The following SACM1L variants were observed in gnomAD, a reference collection of about 807,000 sequenced individuals.
The protein encoded by SACM1L is SAC1 like phosphatidylinositide phosphatase, also known as phosphatidylinositol-3-phosphatase SAC1.
SACM1L carries 32 observed loss-of-function variants against 89.5 expected under a neutral mutation model. That is an observed-to-expected ratio of 0.36 (90% CI 0.27 to 0.48). The LOEUF is 0.48. Among genes scored for constraint, SACM1L ranks in the 20% least tolerant of loss-of-function variants. The pLI is 0.99. For missense variants in SACM1L, 543 were observed against 708.5 expected (o/e 0.77, Z 2.65); for synonymous variants, 213 against 232.8 (o/e 0.92, Z 0.77).
intron 11 of SACM1L, among the ~76,000 whole-genome samples, chr3:45,731,029 G>C (rs1699041333): frequency 6.6e-6 from 1 of 152,214 alleles, no homozygotes; most frequent in South Asian, 2.1e-4. Flanking sequence ...CCACTCTGAG[G>C]AGGGGCTGGG....
chr3:45,717,842 A>G (rs1036233326), intron 7 of SACM1L, among the ~76,000 whole-genome samples: 2 of 152,214 alleles, frequency 1.3e-5, no homozygotes, highest in African/African-American at 2.4e-5. Flanking sequence ...CTTGGGCCCA[A>G]GAGTTTGAGG....
Position 45,743,724 on chromosome 3 carries a change from A to C in SACM1L, c.*55A>C, listed in dbSNP as rs1383406129. ...GGAAGATTCCATTGTGCAGAACTGG[A>C]GTCTTTACTGACCCGCTTTCCACAT... On this transcript the variant is annotated 3_prime_UTR_variant, in exon 20 of 20. Transcript: ENST00000389061. 2 of 1,563,666 alleles carry C rather than the reference A, an allele frequency of 1.3e-6. No individual in the cohort carries two copies. Among genetic ancestry groups the C allele is most frequent in the African/African-American group, 1.4e-5 (1 of 73,150 alleles).
chr3:45,715,739 A>G (rs1327206965), intron 7 of SACM1L, among the ~76,000 whole-genome samples: 1 of 150,370 alleles, frequency 6.7e-6, no homozygotes, highest in African/African-American at 2.5e-5. Context: ...GTGCCACTGC[A>G]CTCCAGCCTG....
At chr3:45,696,820 A>C (rs1418878763) in intron 1 of SACM1L, among the ~76,000 whole-genome samples, 1 of 152,226 alleles carries the variant, frequency 6.6e-6, no homozygotes, top group East Asian at 1.9e-4. Flanking sequence ...TTCAGACACT[A>C]GAAAATCGCA....
At chr3:45,704,648 G>T (rs1297649587) in intron 2 of SACM1L, among the ~76,000 whole-genome samples, 1 of 152,070 alleles carries the variant, frequency 6.6e-6, no homozygotes, top group Non-Finnish European at 1.5e-5. Context: ...AGTTATCCTT[G>T]ATCTTTCAGT....
intron 1 of SACM1L, 184 bp downstream of exon 1, chr3:45,689,681 C>A: frequency 1.4e-6 from 1 of 697,254 alleles, no homozygotes; most frequent in Admixed American, 2.8e-5. Context: ...AGGCCGGGAA[C>A]CAGCGGCTCG....
At position 45,743,521 on chromosome 3, in the gene SACM1L, TA is replaced by T. The variant is rs748510148; in HGVS notation, c.1628-10del. 3.8e-6 allele frequency: 6 copies of T among 1,596,008 alleles called. No homozygotes were observed. In the Admixed American group the frequency reaches 9.1e-5, roughly 24 times the overall value. ...ACGACTTATTTAGCTTTTTGTTTCT[TA>T]ATATCAACAGGTGACACTTGGACAG... On this transcript the variant is annotated splice_polypyrimidine_tract_variant and intron_variant, in intron 19 of 19. Coordinates refer to ENST00000389061, the MANE Select transcript of SACM1L (RefSeq NM_014016.5).
At chr3:45,727,907 A>G (rs1395582542) in intron 11 of SACM1L, among the ~76,000 whole-genome samples, 1 of 152,050 alleles carries the variant, frequency 6.6e-6, no homozygotes, top group African/African-American at 2.4e-5. Flanking sequence ...TACTATTATT[A>G]TATAATTTTC....
intron 1 of SACM1L, among the ~76,000 whole-genome samples, chr3:45,696,793 CAT>C (rs1419120169): frequency 2.0e-5 from 3 of 152,080 alleles, no homozygotes; most frequent in Admixed American, 6.5e-5. Flanking sequence ...GTGAATGTTA[CAT>C]GAGAGATAAA....
intron 8 of SACM1L, among the ~76,000 whole-genome samples, chr3:45,720,820 T>C (rs1006727627): frequency 9.2e-5 from 14 of 152,230 alleles, no homozygotes; most frequent in African/African-American, 3.4e-4. Context: ...TCTGGTGATA[T>C]GGTAACTAAA....
At chr3:45,694,751 C>G (rs1411416532) in intron 1 of SACM1L, among the ~76,000 whole-genome samples, 1 of 152,118 alleles carries the variant, frequency 6.6e-6, no homozygotes, top group Non-Finnish European at 1.5e-5. Context: ...TATTTTAGGG[C>G]TGGGCATACA....
At chr3:45,715,409 T>G (rs1157023903) in intron 7 of SACM1L, among the ~76,000 whole-genome samples, 4 of 152,198 alleles carry the variant, frequency 2.6e-5, no homozygotes, top group African/African-American at 7.2e-5. Context: ...GAAAATTTCA[T>G]GATAAAAGCT....
At chr3:45,704,379 TTC>T (rs1345725542) in intron 2 of SACM1L, among the ~76,000 whole-genome samples, 1 of 152,254 alleles carries the variant, frequency 6.6e-6, no homozygotes, top group South Asian at 2.1e-4. Context: ...GCTATAAAAT[TTC>T]TGTTTTTTTG....
At chr3:45,732,445 T>C (rs1015700091) in intron 13 of SACM1L, among the ~76,000 whole-genome samples, 3 of 152,216 alleles carry the variant, frequency 2.0e-5, no homozygotes, top group African/African-American at 7.2e-5. Context: ...CTATTTTGTA[T>C]TGTCGTTTCC....
chr3:45,698,847 A>G (rs1575384855), intron 1 of SACM1L, among the ~76,000 whole-genome samples: 1 of 150,576 alleles, frequency 6.6e-6, no homozygotes, highest in African/African-American at 2.5e-5. Context: ...GCTCACTGCA[A>G]CCTCCACCTC....
intron 13 of SACM1L, among the ~76,000 whole-genome samples, chr3:45,733,529 C>T (rs1053172286): frequency 3.3e-5 from 5 of 152,104 alleles, no homozygotes; most frequent in Admixed American, 1.3e-4. Flanking sequence ...TCTAAACGAA[C>T]CTTACCAATT....
intron 13 of SACM1L, 45 bp downstream of exon 13, chr3:45,732,196 T>C: frequency 1.8e-6 from 2 of 1,130,416 alleles, no homozygotes; most frequent in African/African-American, 1.6e-5. Flanking sequence ...AAGAGGTATA[T>C]ATATCAGTCA....
chr3:45,723,099 A>G (rs1698826591), intron 10 of SACM1L, 144 bp downstream of exon 10: 1 of 678,488 alleles, frequency 1.5e-6, no homozygotes, highest in Non-Finnish European at 2.4e-6. Context: ...CACATAGTAA[A>G]CCCCTAAACC....
Position 45,743,699 on chromosome 3 carries a change from G to A in SACM1L, c.*30G>A. ...GTATTTGTGGAAAGCGGCTTGGCTT[G>A]GAAGATTCCATTGTGCAGAACTGGA... On this transcript the variant is annotated 3_prime_UTR_variant, in exon 20 of 20. Coordinates refer to ENST00000389061, the MANE Select transcript of SACM1L (RefSeq NM_014016.5). The A allele has an allele frequency of 6.2e-7, 1 of 1,603,770 alleles. No homozygotes were observed. Among genetic ancestry groups the A allele is most frequent in the Admixed American group, 1.7e-5 (1 of 58,802 alleles).
Sources: gnomAD v4.1 joint callset for allele counts (sites outside exome capture counted in the v4.1 genomes callset) on GRCh38, gnomAD v4.1.1 for gene constraint, MANE v1.5 for transcripts, NCBI Gene and HGNC (gene_info 2026-07-23, HGNC 2026-07-21) for gene names.